The following AFF2 variants were observed in gnomAD, a reference collection of about 807,000 sequenced individuals.
AFF2 encodes the protein ALF transcription elongation factor 2, also known as AF4/FMR2 family member 2.
Under a neutral mutation model 76.9 loss-of-function variants are expected in AFF2, and 14 were observed. That is an observed-to-expected ratio of 0.18 (90% CI 0.12 to 0.28). AFF2 has a LOEUF of 0.28. Among genes scored for constraint, AFF2 ranks in the 10% least tolerant of loss-of-function variants. The pLI is 1.00. For missense variants in AFF2, 868 were observed against 1,001.1 expected (o/e 0.87, Z 1.79); for synonymous variants, 398 against 366.7 (o/e 1.09, Z -0.98).
At chrX:148,535,132 G>A (rs972084203) in intron 1 of AFF2, among the ~76,000 whole-genome samples, 1 of 111,419 alleles carries the variant, frequency 9.0e-6, no homozygotes, top group Non-Finnish European at 1.9e-5. Context: ...TGACTGTGAG[G>A]TAATTTACAC....
intron 1 of AFF2, among the ~76,000 whole-genome samples, chrX:148,592,546 T>A (rs1043318017): frequency 8.9e-6 from 1 of 111,760 alleles, no homozygotes; most frequent in African/African-American, 3.3e-5. Context: ...GATAAATATT[T>A]TTTATGGGGC....
chrX:148,970,968 A>C (rs2072242993), intron 15 of AFF2, among the ~76,000 whole-genome samples: 1 of 111,270 alleles, frequency 9.0e-6, no homozygotes, highest in Non-Finnish European at 1.9e-5. Context: ...CATGAATAGA[A>C]ACTAGTTGAG....
chrX:148,631,270 C>T (rs1447321759), intron 1 of AFF2, among the ~76,000 whole-genome samples: 7 of 111,739 alleles, frequency 6.3e-5, no homozygotes, highest in Admixed American at 9.6e-5. Context: ...TATTGATAAA[C>T]GATTTACAAT....
rs1371560529 is a variant in AFF2 at position 148,778,402 on chromosome X, GT to G, written c.1042-31471del. ...AGGGAGGAGTCCTTTTTTTTCTGTT[GT>G]TTGGAATGATTTCAGAAGGAATGGT... On this transcript the variant is annotated intron_variant, in intron 3 of 20. Coordinates refer to ENST00000370460, the MANE Select transcript of AFF2 (RefSeq NM_002025.4). Among the ~76,000 whole-genome samples the G allele has an allele frequency of 8.1e-5, 9 of 111,193 alleles. No individual in the cohort carries two copies. The Admixed American group carries it at 8.6e-4, about 11-fold the overall frequency.
intron 8 of AFF2, among the ~76,000 whole-genome samples, chrX:148,892,544 C>T (rs2071235668): frequency 1.8e-5 from 2 of 111,028 alleles, no homozygotes; most frequent in African/African-American, 6.5e-5. Context: ...ACATAGCCAC[C>T]GAAGACCCAA....
intron 3 of AFF2, among the ~76,000 whole-genome samples, chrX:148,732,422 TGG>T (rs2055233170): frequency 2.9e-5 from 1 of 34,759 alleles, no homozygotes; most frequent in Non-Finnish European, 5.1e-5. Context: ...CTGGGGACTG[TGG>T]TGGGGTGGGG....
rs1240052061 is a variant in AFF2, at chrX:148,581,379, CAT to C, written c.48-70616_48-70615del. On this transcript the variant is annotated intron_variant, in intron 1 of 20. Coordinates refer to ENST00000370460, the MANE Select transcript of AFF2 (RefSeq NM_002025.4). ...ACATATATACGTATACGTGTACACA[CAT>C]ATACACGTATATACGTATACGTGTA... 6.8e-4 allele frequency among the ~76,000 whole-genome samples: 4 copies of C among 5,880 alleles called. 1 individual carries two copies. The highest frequency in any genetic ancestry group is 1.0e-3 in the Non-Finnish European group (3 of 2,930). 5.1% of individuals were successfully genotyped at this position (5,880 alleles called of 115,157 possible). A position where few individuals can be genotyped will look rare whatever the true frequency, so the allele number is the denominator to read the frequency against.
intron 7 of AFF2, among the ~76,000 whole-genome samples, chrX:148,851,776 G>A (rs1267644594): frequency 3.6e-5 from 4 of 109,723 alleles, no homozygotes; most frequent in African/African-American, 1.3e-4. Flanking sequence ...TTAGGTTTGG[G>A]GGTGCATGTG....
intron 3 of AFF2, among the ~76,000 whole-genome samples, chrX:148,777,808 T>G (rs2069687401): frequency 8.9e-6 from 1 of 112,246 alleles, no homozygotes; most frequent in African/African-American, 3.2e-5. Flanking sequence ...CAGAGATAAT[T>G]TGACTTCCTC....
intron 1 of AFF2, among the ~76,000 whole-genome samples, chrX:148,511,394 G>A (rs1481326761): frequency 4.5e-5 from 5 of 111,912 alleles, no homozygotes; most frequent in African/African-American, 1.3e-4. Flanking sequence ...CTAGATGCCC[G>A]TTTGCTTAAT....
At chrX:148,607,070 T>C (rs1180841367) in intron 1 of AFF2, among the ~76,000 whole-genome samples, 2 of 110,814 alleles carry the variant, frequency 1.8e-5, no homozygotes, top group East Asian at 2.9e-4. Context: ...AGCAAGAAAA[T>C]TGAGACCTTA....
intron 16 of AFF2, among the ~76,000 whole-genome samples, chrX:148,974,215 GTTGGTC>G (rs1158619465): frequency 4.8e-4 from 53 of 110,728 alleles, no homozygotes; most frequent in African/African-American, 1.6e-3. Flanking sequence ...TTTTCTGGCT[GTTGGTC>G]TTGGTGGTGT....
rs782676650 is a variant in AFF2, at chrX:148,578,124, G to A, written c.48-73875G>A. On this transcript the variant is annotated intron_variant, in intron 1 of 20. Coordinates refer to ENST00000370460, the MANE Select transcript of AFF2 (RefSeq NM_002025.4). ...CTGACTTAGTCAGAAAATTCCAATT[G>A]GAGGTGTCTTTTCTTATATCATTTT... Among the ~76,000 whole-genome samples the A allele has an allele frequency of 1.7e-4, 19 of 112,087 alleles. No homozygotes were observed. The East Asian group carries it at 2.8e-3, about 17-fold the overall frequency.
intron 3 of AFF2, among the ~76,000 whole-genome samples, chrX:148,763,583 T>G (rs2069477960): frequency 9.0e-6 from 1 of 110,912 alleles, no homozygotes; most frequent in Non-Finnish European, 1.9e-5. Flanking sequence ...TCACCACAAA[T>G]AACTAATACG....
chrX:148,609,648 A>G (rs782206907), intron 1 of AFF2, among the ~76,000 whole-genome samples: 19 of 111,883 alleles, frequency 1.7e-4, no homozygotes, highest in Admixed American at 1.3e-3. Flanking sequence ...TTTGCATGCT[A>G]ACTCCTCTCC....
intron 1 of AFF2, among the ~76,000 whole-genome samples, chrX:148,532,434 T>A (rs2052739931): frequency 8.9e-6 from 1 of 112,222 alleles, no homozygotes; most frequent in Non-Finnish European, 1.9e-5. Context: ...TTCAGTAAGA[T>A]TTATTTAACC....
rs950142867 is a variant in AFF2, at chrX:148,816,686, A to G, written c.1086+6766A>G. ...ATGAGAAATTACATAAATGATCCAT[A>G]TTTGTGGAAGGCACTTTGTTAGTGA... On this transcript the variant is annotated intron_variant, in intron 4 of 20. Coordinates refer to ENST00000370460, the MANE Select transcript of AFF2 (RefSeq NM_002025.4). Among the ~76,000 whole-genome samples the G allele has an allele frequency of 5.4e-5, 6 of 111,153 alleles. No individual in the cohort carries two copies. In the East Asian group the frequency reaches 1.7e-3, roughly 31 times the overall value.
At chrX:148,777,215 A>G (rs913274292) in intron 3 of AFF2, among the ~76,000 whole-genome samples, 1 of 111,452 alleles carries the variant, frequency 9.0e-6, no homozygotes, top group African/African-American at 3.3e-5. Context: ...CATTGGTTAT[A>G]TATCTGTTTT....
At chrX:148,518,250 A>C (rs1336219317) in intron 1 of AFF2, among the ~76,000 whole-genome samples, 1 of 111,562 alleles carries the variant, frequency 9.0e-6, no homozygotes, top group African/African-American at 3.3e-5. Flanking sequence ...ATTTTGCTAA[A>C]AAAACCAAAC....
Sources: gnomAD v4.1 joint callset for allele counts (sites outside exome capture counted in the v4.1 genomes callset) on GRCh38, gnomAD v4.1.1 for gene constraint, MANE v1.5 for transcripts, NCBI Gene and HGNC (gene_info 2026-07-23, HGNC 2026-07-21) for gene names.